The following ADAMTS19 variants were observed in gnomAD, a reference collection of about 807,000 sequenced individuals.
ADAMTS19 encodes ADAM metallopeptidase with thrombospondin type 1 motif 19.
In ADAMTS19, 93 loss-of-function variants were observed where a neutral mutation model predicts 153.3. The observed-to-expected ratio is 0.61, with a 90% CI of 0.51 to 0.72. The LOEUF is 0.72. Among genes scored for constraint, ADAMTS19 ranks in the 30% least tolerant of loss-of-function variants. ADAMTS19 has a pLI of 0.00. For synonymous variants in ADAMTS19, 600 were observed against 556.6 expected (o/e 1.08, Z -1.10); for missense variants, 1,482 against 1,552.1 (o/e 0.95, Z 0.76).
At chr5:129,552,430 GTTC>G (rs1300079365) in intron 7 of ADAMTS19, among the ~76,000 whole-genome samples, 4 of 151,538 alleles carry the variant, frequency 2.6e-5, no homozygotes, top group East Asian at 1.9e-4. Context: ...TGAAACCACT[GTTC>G]TTCTAATTTT....
chr5:129,731,437 A>G (rs1466618479), intron 21 of ADAMTS19, among the ~76,000 whole-genome samples: 1 of 152,146 alleles, frequency 6.6e-6, no homozygotes, highest in South Asian at 2.1e-4. Context: ...GCCTGGATAT[A>G]GTGGGATACT....
At chr5:129,694,913 A>C in intron 19 of ADAMTS19, 58 bp downstream of exon 19, 1 of 1,399,272 alleles carries the variant, frequency 7.1e-7, no homozygotes, top group Non-Finnish European at 9.5e-7. Context: ...GCTGTCCTTT[A>C]AAACATGCTC....
intron 2 of ADAMTS19, among the ~76,000 whole-genome samples, chr5:129,486,010 C>A (rs1289318495): frequency 6.6e-6 from 1 of 152,076 alleles, no homozygotes; most frequent in African/African-American, 2.4e-5. Context: ...AGGCTGGTGT[C>A]AAACTCCTGA....
In ADAMTS19 at chr5:129,461,162, G is replaced by T; in HGVS notation, c.152G>T (p.Arg51Leu). 8 of 1,395,804 alleles carry T rather than the reference G, an allele frequency of 5.7e-6. No homozygotes were observed. The highest frequency in any genetic ancestry group is 7.5e-6 in the Non-Finnish European group (8 of 1,070,552). The allele number at this position is 1,395,804 out of a possible 1,614,324, so 86.5% of individuals were successfully genotyped here. ...WEVVFPALWR[R>L]EPVDPAGGSG... ...GTCGTGTTTCCTGCGCTCTGGCGCC[G>T]GGAGCCGGTGGACCCGGCTGGCGGC... Residue 51 changes from arginine to leucine, a missense_variant, in exon 2 of 23, where the codon CGG (arginine) becomes CTG (leucine). This residue lies in a region of ADAMTS19 where 866 missense variants were observed against 827.7 expected (regional missense o/e 1.05). Coordinates refer to ENST00000274487, the MANE Select transcript of ADAMTS19 (RefSeq NM_133638.6). This position sits in a 1 kb window ranked among gnomAD's most constrained non-coding sequence, Gnocchi z 4.6.
chr5:129,498,098 C>A (rs1750983766), intron 2 of ADAMTS19, among the ~76,000 whole-genome samples: 2 of 152,064 alleles, frequency 1.3e-5, no homozygotes, highest in African/African-American at 4.8e-5. Flanking sequence ...ACTCCTATCA[C>A]TGCCTCAGTC....
At chr5:129,657,668 C>T (rs1753604428) in intron 14 of ADAMTS19, among the ~76,000 whole-genome samples, 1 of 152,178 alleles carries the variant, frequency 6.6e-6, no homozygotes, top group African/African-American at 2.4e-5. Flanking sequence ...GTGAGGAGTT[C>T]TTACTCACAT....
intron 10 of ADAMTS19, among the ~76,000 whole-genome samples, chr5:129,639,013 A>G (rs1752677622): frequency 6.6e-6 from 1 of 152,206 alleles, no homozygotes; most frequent in Non-Finnish European, 1.5e-5. Flanking sequence ...TTTTTACTAT[A>G]GAAGCATAAC....
chr5:129,625,903 C>A (rs1752021209), intron 10 of ADAMTS19, among the ~76,000 whole-genome samples: 1 of 152,026 alleles, frequency 6.6e-6, no homozygotes, highest in Non-Finnish European at 1.5e-5. Flanking sequence ...GTGTTTTAGT[C>A]CTGAAGTCCT....
intron 18 of ADAMTS19, among the ~76,000 whole-genome samples, chr5:129,692,420 A>G (rs967290323): frequency 6.6e-6 from 1 of 152,082 alleles, no homozygotes; most frequent in Non-Finnish European, 1.5e-5. Context: ...GGTTTTGAGC[A>G]CTGCTGTGAT....
At position 129,560,890 on chromosome 5, in the gene ADAMTS19, T is replaced by C. The variant is rs562852280; in HGVS notation, c.1372+8983T>C. On this transcript the variant is annotated intron_variant, in intron 7 of 22. Transcript: ENST00000274487. ...ATAGTTTTAGAAACTGTTTTAGAGA[T>C]GTTCAGATTGTCTGTATGCCTCAAG... Among the ~76,000 whole-genome samples, 3 of 152,300 alleles carry C rather than the reference T, an allele frequency of 2.0e-5. No homozygotes were observed. The East Asian group carries it at 5.8e-4, about 29-fold the overall frequency.
chr5:129,650,487 T>TG (rs1404599287), intron 13 of ADAMTS19, among the ~76,000 whole-genome samples: 6 of 151,984 alleles, frequency 3.9e-5, no homozygotes, highest in Non-Finnish European at 8.8e-5. Flanking sequence ...CTAGTGGTGG[T>TG]GGGGGGAAAT....
chr5:129,473,386 G>A (rs114508800), intron 2 of ADAMTS19, among the ~76,000 whole-genome samples: 1,574 of 152,096 alleles, frequency 0.01, 15 homozygotes, highest in Non-Finnish European at 0.016. Flanking sequence ...TTATAGATAG[G>A]CAATTAACTT....
intron 7 of ADAMTS19, among the ~76,000 whole-genome samples, chr5:129,577,256 A>G: frequency 6.6e-6 from 1 of 152,150 alleles, no homozygotes; most frequent in East Asian, 1.9e-4. Flanking sequence ...CTGGACTCAT[A>G]ATTTATTCAC....
intron 3 of ADAMTS19, among the ~76,000 whole-genome samples, chr5:129,517,308 TA>T (rs941111213): frequency 2.0e-4 from 30 of 152,078 alleles, no homozygotes; most frequent in Middle Eastern, 3.4e-3. Context: ...ATTTGGCCTA[TA>T]GTGCAGATTA....
chr5:129,486,772 A>T (rs572401925), intron 2 of ADAMTS19, among the ~76,000 whole-genome samples: 35 of 152,362 alleles, frequency 2.3e-4, no homozygotes, highest in Middle Eastern at 3.4e-3. Flanking sequence ...AAATAAATAC[A>T]GTAAAATAAA....
At chr5:129,505,450 T>C (rs1211212409) in intron 2 of ADAMTS19, among the ~76,000 whole-genome samples, 1 of 152,148 alleles carries the variant, frequency 6.6e-6, no homozygotes, top group African/African-American at 2.4e-5. Flanking sequence ...TTAACTTGAA[T>C]TTGAATAAAT....
intron 2 of ADAMTS19, among the ~76,000 whole-genome samples, chr5:129,476,818 T>A (rs1187210306): frequency 1.3e-5 from 2 of 152,126 alleles, no homozygotes; most frequent in Non-Finnish European, 2.9e-5. Context: ...CCAATGAAAA[T>A]TTTCTCATTT....
At chr5:129,570,630 AT>A (rs1389140613) in intron 7 of ADAMTS19, among the ~76,000 whole-genome samples, 33 of 60,504 alleles carry the variant, frequency 5.5e-4, no homozygotes, top group Admixed American at 4.9e-3. Context: ...CAGGAAAAAA[AT>A]TAAAAGAAAA....
rs553161401 is a variant in ADAMTS19 at position 129,566,896 on chromosome 5, C to T, written c.1372+14989C>T. 7.2e-5 allele frequency among the ~76,000 whole-genome samples: 11 copies of T among 152,060 alleles called. No individual in the cohort carries two copies. The East Asian group carries it at 7.8e-4, about 11-fold the overall frequency. ...GCCATTGCTTCTCATCTCTTGATTC[C>T]GTCTGCTTGTACGTGGAAACAGACA... On this transcript the variant is annotated intron_variant, in intron 7 of 22. Transcript: ENST00000274487.
Sources: allele counts gnomAD v4.1 joint callset (sites outside exome capture counted in the v4.1 genomes callset), GRCh38; gene constraint gnomAD v4.1.1; regional missense constraint gnomAD v4.1.1; non-coding constraint Gnocchi (gnomAD v3.1); transcripts MANE v1.5; gene names NCBI Gene and HGNC (gene_info 2026-07-23, HGNC 2026-07-21).